The following SNTG1 variants were observed in gnomAD, a reference collection of about 807,000 sequenced individuals.
The protein encoded by SNTG1 is syntrophin gamma 1, also known as gamma-1-syntrophin.
Under a neutral mutation model 74.7 loss-of-function variants are expected in SNTG1, and 39 were observed. That is an observed-to-expected ratio of 0.52 (90% CI 0.40 to 0.68). The LOEUF is 0.68. Among genes scored for constraint, SNTG1 ranks in the 30% least tolerant of loss-of-function variants. The pLI, the probability that SNTG1 is intolerant of heterozygous loss-of-function variation, is 0.00. For missense variants in SNTG1, 685 were observed against 609.5 expected (o/e 1.12, Z -1.30); for synonymous variants, 254 against 217.1 (o/e 1.17, Z -1.49).
intron 15 of SNTG1, among the ~76,000 whole-genome samples, chr8:50,670,478 C>T (rs376301389): frequency 6.6e-6 from 1 of 151,350 alleles, no homozygotes; most frequent in East Asian, 1.9e-4. Context: ...AGGAATCCAA[C>T]TTACAAGGGA....
intron 1 of SNTG1, among the ~76,000 whole-genome samples, chr8:49,942,283 A>T (rs926558301): frequency 2.0e-5 from 3 of 152,252 alleles, no homozygotes; most frequent in African/African-American, 7.2e-5. Context: ...TTTCCAGCTT[A>T]CAAAGCTCTT....
intron 17 of SNTG1, among the ~76,000 whole-genome samples, chr8:50,709,337 C>T (rs1255111068): frequency 6.6e-6 from 1 of 151,928 alleles, no homozygotes; most frequent in Non-Finnish European, 1.5e-5. Flanking sequence ...TATACTTTAC[C>T]TGCATCAACT....
At position 50,056,512 on chromosome 8, in the gene SNTG1, T is replaced by C. The variant is rs368252573; in HGVS notation, c.-102-116049T>C. Among the ~76,000 whole-genome samples, 3 of 152,172 alleles carry C rather than the reference T, an allele frequency of 2.0e-5. No homozygotes were observed. In the East Asian group the frequency reaches 5.8e-4, roughly 29 times the overall value. ...AGGAGTTTGGAATCATCTTTCAAGA[T>C]ATATAGCCCAGTGGTTAAATTTTCA... is the stretch of plus-strand genomic sequence containing the variant. On this transcript the variant is annotated intron_variant, in intron 1 of 18. Transcript: ENST00000642720.
intron 2 of SNTG1, among the ~76,000 whole-genome samples, chr8:50,321,840 A>T (rs1414284926): frequency 6.6e-6 from 1 of 151,968 alleles, no homozygotes; most frequent in Non-Finnish European, 1.5e-5. Flanking sequence ...TTGTTCCCCC[A>T]ATTTTTAAGT....
intron 17 of SNTG1, among the ~76,000 whole-genome samples, chr8:50,748,056 G>GT (rs1331869782): frequency 1.3e-5 from 2 of 151,974 alleles, no homozygotes; most frequent in African/African-American, 4.8e-5. Context: ...GAAAGTTGCA[G>GT]TTTTTTTGTC....
chr8:50,651,025 T>G (rs972012636), intron 13 of SNTG1, among the ~76,000 whole-genome samples: 1 of 152,146 alleles, frequency 6.6e-6, no homozygotes, highest in Admixed American at 6.6e-5. Context: ...TAAAAGTAAC[T>G]TGCAAAATAT....
chr8:50,579,280 T>A (rs777320557), intron 12 of SNTG1, among the ~76,000 whole-genome samples: 1 of 152,126 alleles, frequency 6.6e-6, no homozygotes, highest in Admixed American at 6.5e-5. Context: ...TTGAGAGAGA[T>A]GATTTAGGGT....
chr8:50,570,209 T>C (rs1237047207), intron 12 of SNTG1, among the ~76,000 whole-genome samples: 1 of 150,318 alleles, frequency 6.7e-6, no homozygotes, highest in Non-Finnish European at 1.5e-5. Flanking sequence ...AGATTGCTGG[T>C]TCATATGGTG....
chr8:50,152,595 A>T (rs1030007616), intron 1 of SNTG1, among the ~76,000 whole-genome samples: 6 of 152,200 alleles, frequency 3.9e-5, no homozygotes, highest in African/African-American at 1.4e-4. Context: ...CTTTTAGGGC[A>T]GGCCTGGTGG....
intron 12 of SNTG1, among the ~76,000 whole-genome samples, chr8:50,565,068 G>A (rs1469023219): frequency 7.9e-5 from 12 of 151,872 alleles, no homozygotes; most frequent in Admixed American, 6.6e-4. Context: ...TGTGATTTTC[G>A]TCCCCAAATC....
At chr8:50,522,840 G>A (rs1004119814) in intron 9 of SNTG1, among the ~76,000 whole-genome samples, 9 of 152,252 alleles carry the variant, frequency 5.9e-5, no homozygotes, top group African/African-American at 2.2e-4. Flanking sequence ...GCCTCCCAAA[G>A]TGCTGGGATT....
chr8:50,101,464 T>C (rs2080122056), intron 1 of SNTG1, among the ~76,000 whole-genome samples: 1 of 152,146 alleles, frequency 6.6e-6, no homozygotes, highest in Non-Finnish European at 1.5e-5. Context: ...TTTTTAATAA[T>C]AACCATCTGG....
chr8:49,988,001 G>C lies in SNTG1; in HGVS notation c.-103+75770G>C, dbSNP rs533308258. ...GCACGAACCTAATATTAGCAATGAA[G>C]GAAAGAAAGAGTCAAAAGAGTTCTA... On this transcript the variant is annotated intron_variant, in intron 1 of 18. Transcript: ENST00000642720. Among the ~76,000 whole-genome samples, 291 of 152,150 alleles carry C rather than the reference G, an allele frequency of 1.9e-3. 1 individual carries two copies. Among genetic ancestry groups the C allele is most frequent in the African/African-American group, 6.8e-3 (282 of 41,500 alleles).
intron 8 of SNTG1, among the ~76,000 whole-genome samples, chr8:50,498,536 CAA>C (rs1411717917): frequency 6.6e-6 from 1 of 151,744 alleles, no homozygotes; most frequent in Admixed American, 6.6e-5. Flanking sequence ...AATATTTTCT[CAA>C]AGTTTGTGAC....
chr8:50,416,786 G>C (rs573521261), intron 4 of SNTG1, among the ~76,000 whole-genome samples: 1 of 152,144 alleles, frequency 6.6e-6, no homozygotes, highest in African/African-American at 2.4e-5. Context: ...TTAATGCTAA[G>C]ATCTGTCCAT....
rs959286227 is a variant in SNTG1, at chr8:50,692,891, G to C, written c.1039-11709G>C. Among the ~76,000 whole-genome samples the C allele has an allele frequency of 4.6e-5, 7 of 152,228 alleles. No homozygotes were observed. In the East Asian group the frequency reaches 7.7e-4, roughly 17 times the overall value. On this transcript the variant is annotated intron_variant, in intron 15 of 18. Transcript: ENST00000642720. ...AGGCAGGCCTCCTTGAGCTGTGGTAGGCTCCACCCAGTTCCAGCTTCCTGG... is the reference window on the plus strand; with the variant it reads ...AGGCAGGCCTCCTTGAGCTGTGGTACGCTCCACCCAGTTCCAGCTTCCTGG...
At chr8:50,087,691 A>G (rs1360864992) in intron 1 of SNTG1, among the ~76,000 whole-genome samples, 1 of 152,130 alleles carries the variant, frequency 6.6e-6, no homozygotes, top group Non-Finnish European at 1.5e-5. Context: ...AGTGTTATTA[A>G]CCTTTAAATG....
intron 1 of SNTG1, among the ~76,000 whole-genome samples, chr8:50,097,938 A>G (rs1050555421): frequency 6.6e-6 from 1 of 152,164 alleles, no homozygotes; most frequent in Non-Finnish European, 1.5e-5. Context: ...CTTAGTTTAC[A>G]TATGTCTTTT....
At chr8:50,255,580 G>T (rs943581831) in intron 2 of SNTG1, among the ~76,000 whole-genome samples, 1 of 152,096 alleles carries the variant, frequency 6.6e-6, no homozygotes, top group Non-Finnish European at 1.5e-5. Flanking sequence ...CATAGCTTCC[G>T]GTGGTTTGCT....
Sources: gnomAD v4.1 joint callset for allele counts (sites outside exome capture counted in the v4.1 genomes callset) on GRCh38, gnomAD v4.1.1 for gene constraint, MANE v1.5 for transcripts, NCBI Gene and HGNC (gene_info 2026-07-23, HGNC 2026-07-21) for gene names.